The following GTF3A variants were observed in gnomAD, a reference collection of about 807,000 sequenced individuals.
The protein encoded by GTF3A is general transcription factor IIIA.
A neutral mutation model predicts 37.6 loss-of-function variants in GTF3A; 40 were observed. The ratio of observed to expected loss-of-function variants is 1.06; its 90% confidence interval spans 0.83 to 1.38. The LOEUF (loss-of-function observed/expected upper bound fraction) is 1.38, where lower values mean the gene tolerates loss of function less well. GTF3A is among the 40% of genes most tolerant of loss of function. GTF3A has a pLI of 0.00. For missense variants in GTF3A, 500 were observed against 462.6 expected (o/e 1.08, Z -0.74); for synonymous variants, 191 against 166.7 (o/e 1.15, Z -1.12).
Position 27,424,941 on chromosome 13 carries a change from G to C in GTF3A, c.201+3G>C. ...ACCTGTGCAAGCACACGGGGGAGGT[G>C]AGGGGGGCGAGGCTGCCAACCCTGG... On this transcript the variant is annotated splice_donor_region_variant and intron_variant, in intron 1 of 8. Coordinates refer to ENST00000381140, the MANE Select transcript of GTF3A (RefSeq NM_002097.3). 6.5e-7 allele frequency: 1 copy of C among 1,542,994 alleles called. No individual in the cohort carries two copies. The highest frequency in any genetic ancestry group is 8.7e-7 in the Non-Finnish European group (1 of 1,143,058).
chr13:27,434,850 A>G lies in GTF3A; in HGVS notation c.689A>G (p.Asp230Gly). 2 of 1,613,430 alleles carry G rather than the reference A, an allele frequency of 1.2e-6. No homozygotes were observed. Among genetic ancestry groups the G allele is most frequent in the South Asian group, 2.2e-5 (2 of 91,012 alleles). Residue 230 changes from aspartate to glycine, a missense_variant, in exon 7 of 9, where the codon GAT becomes GGT. Transcript: ENST00000381140. Reference sequence around the variant, plus strand: ...TGCCGGAAAACATTTAAACGCAAAGATTACCTTAAGCAACACATGAAAACT... The same window carrying G: ...TGCCGGAAAACATTTAAACGCAAAGGTTACCTTAAGCAACACATGAAAACT...
chr13:27,432,627 A>C, intron 4 of GTF3A, 104 bp from the exon 5 acceptor site: 1 of 890,292 alleles, frequency 1.1e-6, no homozygotes, highest in Non-Finnish European at 1.8e-6. Context: ...GGTTATGGGA[A>C]GAGGCAAGAC....
rs1347376443 is a variant in GTF3A, at chr13:27,435,021, C to T, written c.860C>T (p.Thr287Ile). 2 of 1,598,980 alleles carry T rather than the reference C, an allele frequency of 1.3e-6. No individual in the cohort carries two copies. Among genetic ancestry groups the T allele is most frequent in the South Asian group, 2.2e-5 (2 of 90,780 alleles). ...TGTGAACATGCTGGCTGTGGCAAAA[C>T]ATTTGCAATGAAAGTAAGCACTCAC... The change falls in exon 7 of 9, where the codon ACA becomes ATA. Residue 287 changes from threonine (T) to isoleucine (I), a missense_variant. Transcript: ENST00000381140.
intron 2 of GTF3A, 147 bp from the exon 3 acceptor site, chr13:27,429,723 G>C (rs1953640733): frequency 1.1e-5 from 6 of 529,956 alleles, no homozygotes; most frequent in Non-Finnish European, 2.0e-5. Context: ...ATGTGGTATG[G>C]CTTAACACTC....
chr13:27,433,256 G>C (rs1593179837), intron 5 of GTF3A, among the ~76,000 whole-genome samples: 1 of 146,164 alleles, frequency 6.8e-6, no homozygotes, highest in East Asian at 2.0e-4. Flanking sequence ...TTGAATCTAT[G>C]ATCTGTTTCC....
chr13:27,425,899 C>G (rs1224363623), intron 1 of GTF3A: 1 of 152,566 alleles, frequency 6.6e-6, no homozygotes, highest in Non-Finnish European at 1.5e-5. Context: ...ATTCCTTAAC[C>G]TCTCCAGCAC....
At chr13:27,430,181 CCT>C (rs2138024541) in intron 3 of GTF3A, among the ~76,000 whole-genome samples, 1 of 151,402 alleles carries the variant, frequency 6.6e-6, no homozygotes, top group African/African-American at 2.4e-5. Flanking sequence ...TAACAGAGAC[CCT>C]GTCTCTAAAA....
Position 27,435,007 on chromosome 13 carries a change from T to C in GTF3A, c.846T>C (p.Ala282=). The C allele has an allele frequency of 6.2e-7, 1 of 1,607,508 alleles. No homozygotes were observed. Among genetic ancestry groups the C allele is most frequent in the East Asian group, 2.2e-5 (1 of 44,846 alleles). ...GCCGCCCTTTTGTGTGTGAACATGC[T>C]GGCTGTGGCAAAACATTTGCAATGA... Residue 282 remains alanine (A), a synonymous_variant, in exon 7 of 9, where the codon GCT becomes GCC. Transcript: ENST00000381140.
rs1953668877 is a variant in GTF3A, at chr13:27,432,758, C to T, written c.516C>T (p.His172=). 2.5e-6 allele frequency: 4 copies of T among 1,606,316 alleles called. No individual in the cohort carries two copies. Among genetic ancestry groups the T allele is most frequent in the Non-Finnish European group, 3.4e-6 (4 of 1,176,258 alleles). ...GTACCCAGGAAGGATGTGGGAAACA[C>T]TTTGCATCACCCAGCAAGCTGAAAC... is the stretch of plus-strand genomic sequence containing the variant. The change falls in exon 5 of 9, where the codon CAC becomes CAT. Residue 172 remains histidine (H), a synonymous_variant. Transcript: ENST00000381140.
In GTF3A at chr13:27,424,665, G is replaced by C; in HGVS notation, c.-73G>C. ...AGGTTCAGCAGGGAGCCGTGGGCCG[G>C]GCGCGCCGGTTCCCGGCACGTGTCT... is the stretch of plus-strand genomic sequence containing the variant. On this transcript the variant is annotated 5_prime_UTR_variant, in exon 1 of 9. Transcript: ENST00000381140. 8.7e-7 allele frequency: 1 copy of C among 1,147,808 alleles called. No homozygotes were observed. The highest frequency in any genetic ancestry group is 1.1e-6 in the Non-Finnish European group (1 of 875,416). The allele number at this position is 1,147,808 out of a possible 1,614,324, so 71.1% of individuals were successfully genotyped here.
In GTF3A at chr13:27,424,701, C is replaced by T. The variant is rs1277658826; in HGVS notation, c.-37C>T. On this transcript the variant is annotated 5_prime_UTR_variant, in exon 1 of 9. Coordinates refer to ENST00000381140, the MANE Select transcript of GTF3A (RefSeq NM_002097.3). ...TCCCGGCACGTGTCTCGGCACGTGG[C>T]AGCGCGCCTGGCCCTGGGCTTGGAG... 6 of 1,351,382 alleles carry T rather than the reference C, an allele frequency of 4.4e-6. No homozygotes were observed. Among genetic ancestry groups the T allele is most frequent in the Non-Finnish European group, 5.7e-6 (6 of 1,050,706 alleles). The allele number at this position is 1,351,382 out of a possible 1,614,324, so 83.7% of individuals were successfully genotyped here.
intron 4 of GTF3A, among the ~76,000 whole-genome samples, chr13:27,431,723 CTA>C (rs1953659402): frequency 6.6e-6 from 1 of 152,132 alleles, no homozygotes; most frequent in South Asian, 2.1e-4. Context: ...CTCAGCACCA[CTA>C]TAGGATTCAT....
In GTF3A at chr13:27,435,599, A is replaced by G; in HGVS notation, c.*2A>G. 1 of 1,612,538 alleles carries G rather than the reference A, an allele frequency of 6.2e-7. No individual in the cohort carries two copies. The highest frequency in any genetic ancestry group is 8.5e-7 in the Non-Finnish European group (1 of 1,178,658). ...GTTGCAGTACTTACCCTTGGCTAAG[A>G]ACTGCACTGCTTTGTTTAAAGGACT... On this transcript the variant is annotated 3_prime_UTR_variant, in exon 9 of 9. Transcript: ENST00000381140.
At chr13:27,427,452 C>A (rs541563663) in intron 2 of GTF3A, among the ~76,000 whole-genome samples, 63 of 152,166 alleles carry the variant, frequency 4.1e-4, no homozygotes, top group Admixed American at 1.6e-3. Context: ...TGGTTTGTGC[C>A]TGTAATCCTA....
intron 3 of GTF3A, 131 bp downstream of exon 3, chr13:27,430,097 C>T (rs1372390923): frequency 2.1e-6 from 1 of 468,122 alleles, no homozygotes. Flanking sequence ...TTGAGACCAG[C>T]CTGGGAAACA....
chr13:27,433,537 C>G (rs201706771), intron 5 of GTF3A, among the ~76,000 whole-genome samples: 1 of 19,768 alleles, frequency 5.1e-5, no homozygotes, highest in Admixed American at 7.4e-4. Context: ...CAAAAAAAAA[C>G]TTTTTTTTTT....
Position 27,435,044 on chromosome 13 carries a change from C to G in GTF3A, c.873+10C>G. The G allele has an allele frequency of 6.5e-7, 1 of 1,541,692 alleles. No individual in the cohort carries two copies. The highest frequency in any genetic ancestry group is 9.0e-7 in the Non-Finnish European group (1 of 1,113,930). The stretch of plus-strand genomic sequence containing the variant: ...AACATTTGCAATGAAAGTAAGCACT[C>G]ACCCTCATACTCATGGTCCTATAGT... On this transcript the variant is annotated intron_variant, in intron 7 of 8. Coordinates refer to ENST00000381140, the MANE Select transcript of GTF3A (RefSeq NM_002097.3).
At chr13:27,434,577 G>T (rs1434190220) in intron 6 of GTF3A, 3 of 569,522 alleles carry the variant, frequency 5.3e-6, no homozygotes, top group South Asian at 4.7e-5. Flanking sequence ...CTTCCTGAGA[G>T]CCCTGCCTCT....
Position 27,424,734 on chromosome 13 carries a change from C to A in GTF3A, c.-4C>A. ...CTGGCCCTGGGCTTGGAGGCGCCGG[C>A]GCCCTGGATCCGCCGGCCGTGGTCG... On this transcript the variant is annotated 5_prime_UTR_variant, in exon 1 of 9. Transcript: ENST00000381140. 1 of 1,446,174 alleles carries A rather than the reference C, an allele frequency of 6.9e-7. No individual in the cohort carries two copies. The highest frequency in any genetic ancestry group is 9.1e-7 in the Non-Finnish European group (1 of 1,102,770). The allele number at this position is 1,446,174 out of a possible 1,614,324, so 89.6% of individuals were successfully genotyped here. A position where few individuals can be genotyped will look rare whatever the true frequency, so the allele number is the denominator to read the frequency against.
Sources: allele counts gnomAD v4.1 joint callset (sites outside exome capture counted in the v4.1 genomes callset), GRCh38; gene constraint gnomAD v4.1.1; transcripts MANE v1.5; gene names NCBI Gene and HGNC (gene_info 2026-07-23, HGNC 2026-07-21).